RBM20: variants seen among roughly 807,000 people sequenced by gnomAD.
The protein encoded by RBM20 is RNA binding motif protein 20.
Under a neutral mutation model 110.1 loss-of-function variants are expected in RBM20, and 51 were observed. The ratio of observed to expected loss-of-function variants is 0.46; its 90% CI spans 0.37 to 0.59. RBM20 has a LOEUF of 0.59. Ranked by LOEUF, RBM20 falls within the 20% of genes least tolerant of loss-of-function variation. The pLI is 0.00. For missense variants in RBM20, 1,512 were observed against 1,574.9 expected, an observed-to-expected ratio of 0.96 and a Z score of 0.68; for synonymous variants, 589 against 618.2, an observed-to-expected ratio of 0.95 and a Z score of 0.70.
intron 13 of RBM20, 85 bp from the exon 14 acceptor site, chr10:110,835,783 T>A: frequency 7.5e-7 from 1 of 1,340,772 alleles, no homozygotes; most frequent in Non-Finnish European, 1.0e-6. Context: ...AGGAGAGGGA[T>A]GATTGAGGCA....
At chr10:110,726,752 A>G (rs1188660950) in intron 1 of RBM20, among the ~76,000 whole-genome samples, 2 of 152,248 alleles carry the variant, frequency 1.3e-5, no homozygotes, top group Non-Finnish European at 2.9e-5. Context: ...GAAAGTGGTT[A>G]TAATCAAAGT....
rs1211745299 is a variant in RBM20, at chr10:110,739,495, AT to A, written c.192-41302del. On this transcript the variant is annotated intron_variant, in intron 1 of 13. Coordinates refer to ENST00000369519, the MANE Select transcript of RBM20 (RefSeq NM_001134363.3). The surrounding 1 kb of genome is among the most constrained non-coding windows in gnomAD (Gnocchi z 4.1). The stretch of plus-strand genomic sequence containing the variant: ...GCCGGATCTCTTGACCCCTCAGAGA[AT>A]TTTACATTAGGGAAAAGTGCTTGTG... Among the ~76,000 whole-genome samples, 1 of 152,162 alleles carries A rather than the reference AT, an allele frequency of 6.6e-6. No homozygotes were observed.
At chr10:110,728,709 G>C (rs1312771961) in intron 1 of RBM20, among the ~76,000 whole-genome samples, 1 of 152,150 alleles carries the variant, frequency 6.6e-6, no homozygotes, top group East Asian at 1.9e-4. Context: ...CTTGTATTAA[G>C]CCTCACAACA....
intron 1 of RBM20, among the ~76,000 whole-genome samples, chr10:110,766,851 A>G (rs1483757216): frequency 6.7e-6 from 1 of 150,330 alleles, no homozygotes; most frequent in Non-Finnish European, 1.5e-5. Context: ...TACACCTCCC[A>G]GACGGGGTGG....
At chr10:110,650,009 A>G (rs2134803083) in intron 1 of RBM20, among the ~76,000 whole-genome samples, 1 of 152,276 alleles carries the variant, frequency 6.6e-6, no homozygotes, top group East Asian at 1.9e-4. Context: ...TGGTGAGCTG[A>G]TAGTTTGACT....
At chr10:110,764,033 AAGG>A (rs777903966) in intron 1 of RBM20, among the ~76,000 whole-genome samples, 1 of 152,092 alleles carries the variant, frequency 6.6e-6, no homozygotes, top group Non-Finnish European at 1.5e-5. Flanking sequence ...GCTTAGAGCA[AAGG>A]AGAACTCACT....
chr10:110,697,345 C>T (rs1352363447), intron 1 of RBM20, among the ~76,000 whole-genome samples: 2 of 152,228 alleles, frequency 1.3e-5, no homozygotes, highest in African/African-American at 2.4e-5. Flanking sequence ...GCCTGGCCCA[C>T]TTGGGCTTGG....
intron 1 of RBM20, among the ~76,000 whole-genome samples, chr10:110,760,601 C>T (rs531920122): frequency 2.3e-4 from 34 of 149,988 alleles, no homozygotes; most frequent in South Asian, 4.2e-4. Context: ...CCACCACGCA[C>T]GGCTAATTTT....
chr10:110,653,399 T>C (rs1237108516), intron 1 of RBM20, among the ~76,000 whole-genome samples: 1 of 152,224 alleles, frequency 6.6e-6, no homozygotes, highest in East Asian at 1.9e-4. Context: ...TTTCTTTTCC[T>C]GAACTATTTG....
chr10:110,772,303 C>T (rs372240304), intron 1 of RBM20, among the ~76,000 whole-genome samples: 7 of 152,124 alleles, frequency 4.6e-5, no homozygotes, highest in East Asian at 3.8e-4. Flanking sequence ...AGAGAGCCTC[C>T]GTGCTGAACT....
chr10:110,749,763 A>AC (rs1843828880), intron 1 of RBM20, among the ~76,000 whole-genome samples: 1 of 152,180 alleles, frequency 6.6e-6, no homozygotes, highest in South Asian at 2.1e-4. Flanking sequence ...AAGGCTGAGC[A>AC]CATCATTGAC....
intron 1 of RBM20, among the ~76,000 whole-genome samples, chr10:110,692,870 C>T (rs895214257): frequency 7.0e-6 from 1 of 142,498 alleles, no homozygotes; most frequent in African/African-American, 2.5e-5. Context: ...TTTTGTTTTA[C>T]CATTGAGTAT....
chr10:110,683,939 A>G (rs1003651802), intron 1 of RBM20, among the ~76,000 whole-genome samples: 9 of 152,230 alleles, frequency 5.9e-5, no homozygotes, highest in Non-Finnish European at 1.2e-4. Context: ...AGAAAAATCA[A>G]GTTATATCCT....
chr10:110,714,391 C>T (rs1862985597), intron 1 of RBM20, among the ~76,000 whole-genome samples: 1 of 152,202 alleles, frequency 6.6e-6, no homozygotes, highest in African/African-American at 2.4e-5. Context: ...CTGTCTGAAG[C>T]TGTGCTCTGC....
At chr10:110,760,425 CTTTTTTTTTTTTTT>C (rs541027608) in intron 1 of RBM20, among the ~76,000 whole-genome samples, 9 of 57,818 alleles carry the variant, frequency 1.6e-4, no homozygotes, top group East Asian at 1.5e-3. Context: ...ATTCCATCAT[CTTTTTTTTTTTTTT>C]TTTTTTTTTT....
intron 9 of RBM20, among the ~76,000 whole-genome samples, chr10:110,819,249 G>A (rs1476222534): frequency 6.6e-6 from 1 of 152,250 alleles, no homozygotes; most frequent in Admixed American, 6.5e-5. Flanking sequence ...TCTAGGACTA[G>A]ATAGTAAATA....
At chr10:110,819,419 G>C (rs367992627) in intron 9 of RBM20, among the ~76,000 whole-genome samples, 42 of 152,350 alleles carry the variant, frequency 2.8e-4, no homozygotes, top group African/African-American at 8.9e-4. Flanking sequence ...ACTATAGTTT[G>C]TTGACCCTTG....
At position 110,717,759 on chromosome 10, in the gene RBM20, C is replaced by T. The variant is rs575885207; in HGVS notation, c.192-63042C>T. Among the ~76,000 whole-genome samples the T allele has an allele frequency of 4.6e-5, 7 of 152,294 alleles. No individual in the cohort carries two copies. In the East Asian group the frequency reaches 1.4e-3, roughly 29 times the overall value. ...GATTCCTTGAGGGGAATTCCTCATCCACCTCACATGGTCCTACTGTGGCTA... is the reference window on the plus strand; with the variant it reads ...GATTCCTTGAGGGGAATTCCTCATCTACCTCACATGGTCCTACTGTGGCTA... On this transcript the variant is annotated intron_variant, in intron 1 of 13. Coordinates refer to ENST00000369519, the MANE Select transcript of RBM20 (RefSeq NM_001134363.3).
chr10:110,830,186 C>T (rs1302194789), intron 12 of RBM20, among the ~76,000 whole-genome samples: 1 of 152,236 alleles, frequency 6.6e-6, no homozygotes, highest in Non-Finnish European at 1.5e-5. Flanking sequence ...ACTCCACTGA[C>T]TGACCGTGTC....
Sources: gnomAD v4.1 joint callset for allele counts (sites outside exome capture counted in the v4.1 genomes callset) on GRCh38, gnomAD v4.1.1 for gene constraint, Gnocchi (gnomAD v3.1) non-coding constraint, MANE v1.5 for transcripts, NCBI Gene and HGNC (gene_info 2026-07-23, HGNC 2026-07-21) for gene names.